Variants in VPS13B observed in about 807,000 individuals in gnomAD.
The protein encoded by VPS13B is intermembrane lipid transfer protein VPS13B.
VPS13B carries 285 observed loss-of-function variants against 426.4 expected under a neutral mutation model. That is an observed-to-expected ratio of 0.67 (90% CI 0.61 to 0.74). The LOEUF (loss-of-function observed/expected upper bound fraction) is 0.74. Ranked by LOEUF, VPS13B falls within the 30% of genes least tolerant of loss-of-function variation. The pLI, the probability that VPS13B is intolerant of heterozygous loss-of-function variation, is 0.00. For synonymous variants in VPS13B, 1,676 were observed against 1,676.4 expected, an observed-to-expected ratio of 1.00 and a Z score of 0.01; for missense variants, 4,537 against 4,782.6, an observed-to-expected ratio of 0.95 and a Z score of 1.51.
rs1813676153 is a variant in VPS13B, at chr8:99,192,806, AG to A, written c.2334-69del. 9.6e-6 allele frequency: 15 copies of A among 1,555,190 alleles called. No homozygotes were observed. The Admixed American group carries it at 2.5e-4, about 26-fold the overall frequency. ...ATACCCTTTCTTCCCTTGCAACCTA[AG>A]TCATTTAGTATTTTGTTGTCTGTAA... On this transcript the variant is annotated intron_variant, in intron 16 of 61. Coordinates refer to ENST00000357162, the MANE Select transcript of VPS13B (RefSeq NM_152564.5).
intron 19 of VPS13B, among the ~76,000 whole-genome samples, chr8:99,362,165 C>T (rs1255927210): frequency 8.3e-5 from 10 of 120,768 alleles, no homozygotes; most frequent in Middle Eastern, 6.4e-3. Context: ...TTTTTTGAGA[C>T]GGAGTCTCGC....
chr8:99,085,201 TATGTA>T (rs1253167224), intron 3 of VPS13B, among the ~76,000 whole-genome samples: 1 of 152,190 alleles, frequency 6.6e-6, no homozygotes, highest in Non-Finnish European at 1.5e-5. Flanking sequence ...CCTTTACCAT[TATGTA>T]ATGGCCTTCT....
Position 99,137,244 on chromosome 8 carries a change from T to A in VPS13B, c.1651+492T>A, listed in dbSNP as rs184280298. Reference sequence around the variant, plus strand: ...GGAAATAAATGACGTTTAAAACATTTCAACACTTTTTTTTTTACTTCTATA... The same window carrying A: ...GGAAATAAATGACGTTTAAAACATTACAACACTTTTTTTTTTACTTCTATA... On this transcript the variant is annotated intron_variant, in intron 12 of 61. Transcript: ENST00000357162. Among the ~76,000 whole-genome samples, 16 of 146,826 alleles carry A rather than the reference T, an allele frequency of 1.1e-4. No individual in the cohort carries two copies. In the Admixed American group the frequency reaches 1.1e-3, roughly 10 times the overall value.
At chr8:99,875,210 T>TCTC in intron 61 of VPS13B, 1 of 695,126 alleles carries the variant, frequency 1.4e-6, no homozygotes, top group Non-Finnish European at 2.5e-6. Flanking sequence ...CTGTCCTAAG[T>TCTC]CTCATGCACA....
Position 99,859,410 on chromosome 8 carries a change from C to G in VPS13B, c.10974C>G (p.Thr3658=), listed in dbSNP as rs375117356. 23 of 1,614,042 alleles carry G rather than the reference C, an allele frequency of 1.4e-5. 1 individual carries two copies. The South Asian group carries it at 2.4e-4, about 17-fold the overall frequency. The part of the protein sequence containing the change: ...DFFRLPYEGL[T]RGPGAFVSGV... ...TCAGGCTTCCGTATGAGGGGCTGAC[C>G]CGGGGCCCTGGAGCCTTCGTGAGTG... The change falls in exon 57 of 62, where the codon ACC becomes ACG. Residue 3658 remains threonine, a synonymous_variant. Transcript: ENST00000357162.
intron 30 of VPS13B, among the ~76,000 whole-genome samples, chr8:99,529,618 C>A (rs1822826392): frequency 6.6e-6 from 1 of 152,096 alleles, no homozygotes; most frequent in Non-Finnish European, 1.5e-5. Flanking sequence ...GTTACCAGGG[C>A]AATTCCTGAA....
At chr8:99,093,143 A>T (rs1846235315) in intron 3 of VPS13B, among the ~76,000 whole-genome samples, 1 of 152,060 alleles carries the variant, frequency 6.6e-6, no homozygotes, top group Non-Finnish European at 1.5e-5. Flanking sequence ...AATTAAATCA[A>T]TCAAATACAG....
rs151315104 is a variant in VPS13B at position 99,853,589 on chromosome 8, G to T, written c.10200G>T (p.Pro3400=). The T allele has an allele frequency of 6.2e-7, 1 of 1,614,124 alleles. No individual in the cohort carries two copies. The highest frequency in any genetic ancestry group is 8.5e-7 in the Non-Finnish European group (1 of 1,180,024). ...TLDNIFLCVA[P]GAGPLPGEEP... ...ACAACATTTTTCTCTGTGTGGCCCC[G>T]GGAGCTGGTCCCCTCCCTGGGGAAG... The change falls in exon 56 of 62, where the codon CCG becomes CCT. Residue 3400 remains proline (P), a synonymous_variant. Coordinates refer to ENST00000357162, the MANE Select transcript of VPS13B (RefSeq NM_152564.5).
chr8:99,848,650 G>A (rs941042035), intron 54 of VPS13B, 126 bp from the exon 55 acceptor site: 27 of 903,026 alleles, frequency 3.0e-5, no homozygotes, highest in Non-Finnish European at 5.0e-5. Context: ...CGTACACATG[G>A]ATATAAAGAA....
chr8:99,689,981 C>T (rs1235379622), intron 35 of VPS13B, among the ~76,000 whole-genome samples: 2 of 152,148 alleles, frequency 1.3e-5, no homozygotes, highest in African/African-American at 4.8e-5. Flanking sequence ...CTTCTTTCTA[C>T]TTTAGCTTTG....
chr8:99,554,473 T>G (rs1015358698), intron 30 of VPS13B, among the ~76,000 whole-genome samples: 1 of 152,156 alleles, frequency 6.6e-6, no homozygotes, highest in African/African-American at 2.4e-5. Flanking sequence ...ACAGATAGGT[T>G]CTCCGCCTGA....
chr8:99,402,553 C>A (rs922949053), intron 21 of VPS13B, among the ~76,000 whole-genome samples: 1 of 151,948 alleles, frequency 6.6e-6, no homozygotes, highest in African/African-American at 2.4e-5. Context: ...CCAAGGCCAC[C>A]AGAGCACTGT....
chr8:99,813,004 C>T (rs1813804177), intron 44 of VPS13B, among the ~76,000 whole-genome samples: 1 of 152,134 alleles, frequency 6.6e-6, no homozygotes, highest in Non-Finnish European at 1.5e-5. Flanking sequence ...AATTAAGTAG[C>T]TGTCTTCAAC....
intron 19 of VPS13B, among the ~76,000 whole-genome samples, chr8:99,308,971 C>T (rs764938065): frequency 2.6e-5 from 4 of 152,080 alleles, no homozygotes; most frequent in Non-Finnish European, 4.4e-5. Context: ...GGGCTGCATA[C>T]GTGTCTTCTT....
intron 21 of VPS13B, among the ~76,000 whole-genome samples, chr8:99,431,201 T>G (rs1817092010): frequency 6.6e-6 from 1 of 152,172 alleles, no homozygotes; most frequent in Non-Finnish European, 1.5e-5. Context: ...ATTGGACAAG[T>G]TGTTAAGTTA....
chr8:99,107,582 T>C (rs986643650), intron 5 of VPS13B, among the ~76,000 whole-genome samples: 5 of 152,142 alleles, frequency 3.3e-5, no homozygotes, highest in African/African-American at 4.8e-5. Context: ...TTTCTACTAT[T>C]AGAGGCAGAA....
At chr8:99,804,066 T>G (rs1235749258) in intron 43 of VPS13B, 1 of 152,216 alleles carries the variant, frequency 6.6e-6, no homozygotes, top group African/African-American at 2.4e-5. Flanking sequence ...GAAACTCTTG[T>G]AAATATCTTG....
At chr8:99,704,779 A>AC (rs142608511) in intron 36 of VPS13B, among the ~76,000 whole-genome samples, 187 of 152,262 alleles carry the variant, frequency 1.2e-3, no homozygotes, top group African/African-American at 4.2e-3. Flanking sequence ...CTTAAACCCA[A>AC]CACTTAAGGA....
intron 39 of VPS13B, among the ~76,000 whole-genome samples, chr8:99,749,588 C>T (rs750358052): frequency 1.3e-5 from 2 of 151,952 alleles, no homozygotes; most frequent in Non-Finnish European, 2.9e-5. Flanking sequence ...TTTTTTATGG[C>T]TGAGTAGTAC....
Sources: gnomAD v4.1 joint callset for allele counts (sites outside exome capture counted in the v4.1 genomes callset) on GRCh38, gnomAD v4.1.1 for gene constraint, MANE v1.5 for transcripts, NCBI Gene and HGNC (gene_info 2026-07-23, HGNC 2026-07-21) for gene names.